Variants in CTTN observed in about 807,000 individuals in gnomAD.
CTTN encodes src substrate cortactin.
In CTTN, 28 loss-of-function variants were observed where a neutral mutation model predicts 84.0. That is an observed-to-expected ratio of 0.33 (90% CI 0.25 to 0.46). CTTN has a LOEUF of 0.46. Among genes scored for constraint, CTTN ranks in the 20% least tolerant of loss-of-function variants. CTTN has a pLI of 1.00. For missense variants in CTTN, 641 were observed against 723.8 expected, an observed-to-expected ratio of 0.89 and a Z score of 1.31; for synonymous variants, 301 against 288.8, an observed-to-expected ratio of 1.04 and a Z score of -0.43.
rs756164892 is a variant in CTTN at position 70,435,628 on chromosome 11, G to C, written c.*466G>C. 6.3e-7 allele frequency: 1 copy of C among 1,593,724 alleles called. No individual in the cohort carries two copies. The highest frequency in any genetic ancestry group is 2.2e-5 in the East Asian group (1 of 44,736). ...CTTCCTCTAGAGTCTCACTGCTGGGGAGGAGAGGACTGGGCCTGATGGAAG... is the reference window on the plus strand; with the variant it reads ...CTTCCTCTAGAGTCTCACTGCTGGGCAGGAGAGGACTGGGCCTGATGGAAG... On this transcript the variant is annotated 3_prime_UTR_variant, in exon 18 of 18. Transcript: ENST00000301843.
chr11:70,429,863 G>A (rs950269567), intron 14 of CTTN, among the ~76,000 whole-genome samples: 1 of 152,128 alleles, frequency 6.6e-6, no homozygotes, highest in Non-Finnish European at 1.5e-5. Flanking sequence ...CTACAGATGT[G>A]TGTGTGTGAA....
At chr11:70,407,679 C>T (rs2135554628) in intron 4 of CTTN, 88 bp downstream of exon 4, 1 of 1,244,832 alleles carries the variant, frequency 8.0e-7, no homozygotes, top group Non-Finnish European at 1.1e-6. Flanking sequence ...TGTGGAGGGA[C>T]AGCCCGTGTG....
At chr11:70,399,817 G>A (rs2057955124) in intron 1 of CTTN, among the ~76,000 whole-genome samples, 1 of 152,164 alleles carries the variant, frequency 6.6e-6, no homozygotes, top group Admixed American at 6.5e-5. Context: ...GCTCCCTTTG[G>A]GCTCAGTGTT....
chr11:70,435,940 G>C lies in CTTN; in HGVS notation c.*778G>C, dbSNP rs994114093. 1 of 1,440,670 alleles carries C rather than the reference G, an allele frequency of 6.9e-7. No homozygotes were observed. Among genetic ancestry groups the C allele is most frequent in the African/African-American group, 1.4e-5 (1 of 69,638 alleles). The allele number at this position is 1,440,670 out of a possible 1,614,324, so 89.2% of individuals were successfully genotyped here. A position where few individuals can be genotyped will look rare whatever the true frequency, so the allele number is the denominator to read the frequency against. ...GGATTGGGACGCACAGTGCAGTTGA[G>C]GTCTGCGTCGGGCTTGGCTTTTCAC... On this transcript the variant is annotated 3_prime_UTR_variant, in exon 18 of 18. Transcript: ENST00000301843.
rs777313897 is a variant in CTTN at position 70,433,244 on chromosome 11, T to C, written c.1410T>C (p.Tyr470=). Residue 470 remains tyrosine, a synonymous_variant, in exon 16 of 18, where the codon TAT becomes TAC. Coordinates refer to ENST00000301843, the MANE Select transcript of CTTN (RefSeq NM_005231.4). ...TGGCCTATGCCACAGAGGCTGTCTA[T>C]GAAAGCGCAGAGGCCCCGGGCCACT... ...QGLAYATEAV[Y]ESAEAPGHYP... The C allele has an allele frequency of 1.7e-5, 27 of 1,612,636 alleles. No homozygotes were observed. Among genetic ancestry groups the C allele is most frequent in the Non-Finnish European group, 2.1e-5 (25 of 1,179,870 alleles).
chr11:70,399,847 T>G (rs2057955485), intron 1 of CTTN, among the ~76,000 whole-genome samples: 1 of 152,152 alleles, frequency 6.6e-6, no homozygotes, highest in African/African-American at 2.4e-5. Flanking sequence ...GCGCAGGCTC[T>G]GTCGGGGGGA....
At chr11:70,417,152 C>T (rs1184313092) in intron 8 of CTTN, 29 bp downstream of exon 8, 15 of 1,559,234 alleles carry the variant, frequency 9.6e-6, no homozygotes, top group South Asian at 3.3e-5. Flanking sequence ...TCTGTAATCA[C>T]GCGTTTGCTC....
chr11:70,422,962 G>A lies in CTTN; in HGVS notation c.924G>A (p.Gly308=). 4 of 1,614,096 alleles carry A rather than the reference G, an allele frequency of 2.5e-6. No homozygotes were observed. The highest frequency in any genetic ancestry group is 1.1e-5 in the South Asian group (1 of 91,074). The change falls in exon 12 of 18, where the codon GGG becomes GGA. Residue 308 remains glycine, a synonymous_variant. Transcript: ENST00000301843. Reference sequence around the variant, plus strand: ...CAGACTACTCCAAAGGATTCGGCGGGAAGTATGGGGTGCAGAAGGATCGGA... The same window carrying A: ...CAGACTACTCCAAAGGATTCGGCGGAAAGTATGGGGTGCAGAAGGATCGGA... ...SQQDYSKGFG[G]KYGVQKDRMD...
rs756553535 is a variant in CTTN, at chr11:70,436,411, C to T, written c.*1249C>T. 2.9e-5 allele frequency: 47 copies of T among 1,597,528 alleles called. No individual in the cohort carries two copies. In the South Asian group the frequency reaches 4.0e-4, roughly 13 times the overall value. ...CTTGGGTCCCGGAGTGCCCGTGAAG[C>T]GTGTTTTTGCTCCTGAGGTGCATTT... On this transcript the variant is annotated 3_prime_UTR_variant, in exon 18 of 18. Transcript: ENST00000301843.
At chr11:70,406,075 C>T (rs2058038218) in intron 2 of CTTN, among the ~76,000 whole-genome samples, 1 of 152,256 alleles carries the variant, frequency 6.6e-6, no homozygotes, top group East Asian at 1.9e-4. Flanking sequence ...TTCTAAAATC[C>T]TGGCAAAAGC....
At chr11:70,426,802 G>A (rs963708805) in intron 13 of CTTN, among the ~76,000 whole-genome samples, 3 of 151,596 alleles carry the variant, frequency 2.0e-5, no homozygotes, top group South Asian at 2.1e-4. Flanking sequence ...GGGTTTCACC[G>A]TGTTAGCCAG....
At chr11:70,426,130 C>T (rs573871992) in intron 13 of CTTN, among the ~76,000 whole-genome samples, 2 of 152,064 alleles carry the variant, frequency 1.3e-5, no homozygotes, top group African/African-American at 2.4e-5. Context: ...GAATGTGGCC[C>T]GGCACAGTGG....
intron 10 of CTTN, among the ~76,000 whole-genome samples, 179 bp downstream of exon 10, chr11:70,420,689 A>G (rs1187544779): frequency 6.6e-6 from 1 of 152,226 alleles, no homozygotes; most frequent in African/African-American, 2.4e-5. Context: ...TGTAGTCACA[A>G]ACCCTCCCTG....
intron 5 of CTTN, among the ~76,000 whole-genome samples, chr11:70,412,064 A>G (rs1192285901): frequency 6.6e-6 from 1 of 152,222 alleles, no homozygotes; most frequent in African/African-American, 2.4e-5. Flanking sequence ...GCTGCTGCTC[A>G]GTCCCAGCTG....
At chr11:70,415,492 A>G (rs1162301879) in intron 6 of CTTN, among the ~76,000 whole-genome samples, 171 bp from the exon 7 acceptor site, 5 of 152,186 alleles carry the variant, frequency 3.3e-5, no homozygotes, top group African/African-American at 1.2e-4. Flanking sequence ...TCCGTTTAGG[A>G]TGCCAGAGCT....
rs965160551 is a variant in CTTN at position 70,411,650 on chromosome 11, A to G, written c.291+1690A>G. Among the ~76,000 whole-genome samples, 8 of 152,334 alleles carry G rather than the reference A, an allele frequency of 5.3e-5. No individual in the cohort carries two copies. In the East Asian group the frequency reaches 5.8e-4, roughly 11 times the overall value. ...AGGCAACGTGTCAGGAGAGCCTGGT[A>G]GGGAAGCTGCTGTGGCTTCTCTGCT... On this transcript the variant is annotated intron_variant, in intron 5 of 17. Coordinates refer to ENST00000301843, the MANE Select transcript of CTTN (RefSeq NM_005231.4).
chr11:70,418,438 C>T (rs931385855), intron 8 of CTTN, among the ~76,000 whole-genome samples: 1 of 152,260 alleles, frequency 6.6e-6, no homozygotes, highest in Non-Finnish European at 1.5e-5. Context: ...AGGCCGAGCA[C>T]CTGGGCAGAC....
intron 15 of CTTN, 139 bp downstream of exon 15, chr11:70,431,419 A>T: frequency 1.2e-5 from 10 of 833,088 alleles, no homozygotes; most frequent in Admixed American, 2.0e-5. Flanking sequence ...ACGCCCGGAG[A>T]GGGGTGGGCC....
rs2058415668 is a variant in CTTN at position 70,436,224 on chromosome 11, G to A, written c.*1062G>A. 6.3e-7 allele frequency: 1 copy of A among 1,579,894 alleles called. No homozygotes were observed. The highest frequency in any genetic ancestry group is 1.7e-5 in the Admixed American group (1 of 58,010). On this transcript the variant is annotated 3_prime_UTR_variant, in exon 18 of 18. Coordinates refer to ENST00000301843, the MANE Select transcript of CTTN (RefSeq NM_005231.4). Reference sequence around the variant, plus strand: ...AGATGAGTGTGTGTTCTTCCCCAAGGTCCCCCCACAGCTCCAGGACACCGC... The same window carrying A: ...AGATGAGTGTGTGTTCTTCCCCAAGATCCCCCCACAGCTCCAGGACACCGC...
Sources: allele counts gnomAD v4.1 joint callset (sites outside exome capture counted in the v4.1 genomes callset), GRCh38; gene constraint gnomAD v4.1.1; transcripts MANE v1.5; gene names NCBI Gene and HGNC (gene_info 2026-07-23, HGNC 2026-07-21).